The following AP3B2 variants were observed in gnomAD, a reference collection of about 807,000 sequenced individuals.
AP3B2 encodes AP-3 complex subunit beta-2.
Under a neutral mutation model 126.9 loss-of-function variants are expected in AP3B2, and 50 were observed. The ratio of observed to expected loss-of-function variants is 0.39; its 90% CI spans 0.31 to 0.50. The LOEUF (loss-of-function observed/expected upper bound fraction) is 0.50, where lower values mean the gene tolerates loss of function less well. Among genes scored for constraint, AP3B2 ranks in the 20% least tolerant of loss-of-function variants. The probability of loss-of-function intolerance (pLI) is 0.79; values close to 1 mark genes in which losing one functional copy is unlikely to be tolerated. For missense variants in AP3B2, 1,177 were observed against 1,426.4 expected, an observed-to-expected ratio of 0.83 and a Z score of 2.82; for synonymous variants, 541 against 565.0, an observed-to-expected ratio of 0.96 and a Z score of 0.60.
At chr15:82,688,177 T>C in intron 4 of AP3B2, 1 of 491,684 alleles carries the variant, frequency 2.0e-6, no homozygotes, top group East Asian at 3.2e-5. Context: ...AAAAATCCAA[T>C]ATGGAGAGAA....
chr15:82,679,429 A>G (rs921629852), intron 10 of AP3B2, among the ~76,000 whole-genome samples: 2 of 152,200 alleles, frequency 1.3e-5, no homozygotes, highest in East Asian at 1.9e-4. Flanking sequence ...GCCAGAGTCT[A>G]TATTTTTATA....
At position 82,665,675 on chromosome 15, in the gene AP3B2, C is replaced by T. The variant is rs2048046400; in HGVS notation, c.1853-100G>A. The stretch of plus-strand genomic sequence containing the variant: ...TGGGTGGTGATTCTGGTTGGGACTT[C>T]CCAGGTGGGTAGGGGAAGGAGATGG... On this transcript the variant is annotated intron_variant, in intron 15 of 26. Coordinates refer to ENST00000535359, the MANE Select transcript of AP3B2 (RefSeq NM_001278512.2). The surrounding 1 kb of genome is among the most constrained non-coding windows in gnomAD (Gnocchi z 4.4). 1.1e-6 allele frequency: 1 copy of T among 878,602 alleles called. No homozygotes were observed. Among genetic ancestry groups the T allele is most frequent in the Non-Finnish European group, 1.8e-6 (1 of 540,926 alleles). The allele number at this position is 878,602 out of a possible 1,614,324, so 54.4% of individuals were successfully genotyped here. A position where few individuals can be genotyped will look rare whatever the true frequency, so the allele number is the denominator to read the frequency against.
chr15:82,695,365 C>T (rs1728829146), intron 1 of AP3B2, among the ~76,000 whole-genome samples: 1 of 152,130 alleles, frequency 6.6e-6, no homozygotes, highest in African/African-American at 2.4e-5. Context: ...TCCAAAAGTG[C>T]TGGGATTATA....
rs566699348 is a variant in AP3B2 at position 82,694,899 on chromosome 15, A to C, written c.114-5446T>G. ...CCCCATTTCTGAGACAGAGCTCCTA[A>C]AACTCTTGACAATAGGGATGCTAGG... On this transcript the variant is annotated intron_variant, in intron 1 of 26. Transcript: ENST00000535359. Among the ~76,000 whole-genome samples, 17 of 152,202 alleles carry C rather than the reference A, an allele frequency of 1.1e-4. No individual in the cohort carries two copies. The East Asian group carries it at 3.1e-3, about 28-fold the overall frequency.
intron 1 of AP3B2, among the ~76,000 whole-genome samples, chr15:82,707,503 C>CAT (rs1185924134): frequency 6.6e-6 from 1 of 152,204 alleles, no homozygotes; most frequent in Admixed American, 6.5e-5. Context: ...CTCAACTACT[C>CAT]ATACATGCCC....
At chr15:82,675,783 C>G (rs2048232433) in intron 14 of AP3B2, among the ~76,000 whole-genome samples, 1 of 152,176 alleles carries the variant, frequency 6.6e-6, no homozygotes, top group East Asian at 1.9e-4. Context: ...CAATCCCTGT[C>G]CTGCTTAACT....
chr15:82,691,341 G>C, intron 1 of AP3B2, among the ~76,000 whole-genome samples: 1 of 152,122 alleles, frequency 6.6e-6, no homozygotes, highest in South Asian at 2.1e-4. Context: ...GTTTTGATTT[G>C]CATTTCTCTG....
At chr15:82,674,020 A>G (rs4779046) in intron 14 of AP3B2, among the ~76,000 whole-genome samples, 120,469 of 152,112 alleles carry the variant, frequency 0.79, 48,193 homozygotes, top group African/African-American at 0.91. Flanking sequence ...ATCCCCCGCC[A>G]CCTGCATGTT....
chr15:82,667,882 TAAG>T (rs2048086166), intron 14 of AP3B2, among the ~76,000 whole-genome samples: 1 of 152,098 alleles, frequency 6.6e-6, no homozygotes, highest in Admixed American at 6.5e-5. Flanking sequence ...CCTGCTGACA[TAAG>T]GAGCCTGCCC....
chr15:82,698,926 C>T (rs531816707), intron 1 of AP3B2, among the ~76,000 whole-genome samples: 1 of 152,252 alleles, frequency 6.6e-6, no homozygotes, highest in Admixed American at 6.5e-5. Flanking sequence ...GTCGAATATG[C>T]ACTGACACAG....
chr15:82,665,665 G>T lies in AP3B2; in HGVS notation c.1853-90C>A. Reference sequence around the variant, plus strand: ...CAGGTGGGGCTGGGTGGTGATTCTGGTTGGGACTTCCCAGGTGGGTAGGGG... The same window carrying T: ...CAGGTGGGGCTGGGTGGTGATTCTGTTTGGGACTTCCCAGGTGGGTAGGGG... On this transcript the variant is annotated intron_variant, in intron 15 of 26. Coordinates refer to ENST00000535359, the MANE Select transcript of AP3B2 (RefSeq NM_001278512.2). The surrounding 1 kb of genome is among the most constrained non-coding windows in gnomAD (Gnocchi z 4.4). 1 of 1,057,196 alleles carries T rather than the reference G, an allele frequency of 9.5e-7. No homozygotes were observed. Among genetic ancestry groups the T allele is most frequent in the Middle Eastern group, 2.1e-4 (1 of 4,812 alleles). The allele number at this position is 1,057,196 out of a possible 1,614,324, so 65.5% of individuals were successfully genotyped here. A position where few individuals can be genotyped will look rare whatever the true frequency, so the allele number is the denominator to read the frequency against.
Position 82,680,325 on chromosome 15 carries a change from G to GGGTCCTCT in AP3B2, c.1056-97_1056-96insAGAGGACC. The GGGTCCTCT allele has an allele frequency of 6.4e-7, 1 of 1,566,196 alleles. No homozygotes were observed. The highest frequency in any genetic ancestry group is 8.7e-7 in the Non-Finnish European group (1 of 1,151,792). On this transcript the variant is annotated intron_variant, in intron 8 of 26. Coordinates refer to ENST00000535359, the MANE Select transcript of AP3B2 (RefSeq NM_001278512.2). The surrounding 1 kb of genome is among the most constrained non-coding windows in gnomAD (Gnocchi z 6.1). ...GGTGGGGCAAGTCGTTGCGGGGAGA[G>GGGTCCTCT]GACCAGTGCGGAGGGCAGGACTACG...
chr15:82,663,592 G>A lies in AP3B2; in HGVS notation c.2465C>T (p.Thr822Ile). Reference sequence around the variant, plus strand: ...TAGATCAAGCAGGGAGATCTCCTTGGTTGCAGGAGCACTTTTGCTGCTGGG... The same window carrying A: ...TAGATCAAGCAGGGAGATCTCCTTGATTGCAGGAGCACTTTTGCTGCTGGG... The part of the protein sequence containing the change: ...TPPSSKSAPA[T>I]KEISLLDLED... The change falls in exon 21 of 27, where the codon ACC (threonine) becomes ATC (isoleucine). Residue 822 changes from threonine to isoleucine, a missense_variant. By Grantham distance (89) the Thr-to-Ile change is moderately conservative. Coordinates refer to ENST00000535359, the MANE Select transcript of AP3B2 (RefSeq NM_001278512.2). The A allele has an allele frequency of 6.2e-7, 1 of 1,613,886 alleles. No homozygotes were observed. The highest frequency in any genetic ancestry group is 1.3e-5 in the African/African-American group (1 of 75,038).
intron 14 of AP3B2, among the ~76,000 whole-genome samples, chr15:82,668,722 G>A (rs2048098779): frequency 6.6e-6 from 1 of 151,968 alleles, no homozygotes. Flanking sequence ...GGCATCCTGT[G>A]TGCACCACCA....
At chr15:82,694,537 T>C (rs2048603084) in intron 1 of AP3B2, among the ~76,000 whole-genome samples, 1 of 151,590 alleles carries the variant, frequency 6.6e-6, no homozygotes, top group Non-Finnish European at 1.5e-5. Context: ...TAAAAAAAAT[T>C]AGCCAGGCAT....
chr15:82,706,012 G>A (rs1217960196), intron 1 of AP3B2, among the ~76,000 whole-genome samples: 1 of 152,134 alleles, frequency 6.6e-6, no homozygotes, highest in Non-Finnish European at 1.5e-5. Context: ...GCAGGGCTGT[G>A]CGGTTGGAAT....
intron 4 of AP3B2, among the ~76,000 whole-genome samples, chr15:82,682,721 CAAA>C (rs1004169245): frequency 8.7e-6 from 1 of 115,114 alleles, no homozygotes; most frequent in Non-Finnish European, 1.9e-5. Context: ...ATCCTATCTC[CAAA>C]AAAAAAAAAA....
chr15:82,708,543 A>T (rs117558086), intron 1 of AP3B2, among the ~76,000 whole-genome samples: 1,681 of 152,168 alleles, frequency 0.011, 21 homozygotes, highest in Non-Finnish European at 0.018. Flanking sequence ...AGGCCTGTGA[A>T]CTTCAAGACC....
chr15:82,662,846 T>C lies in AP3B2; in HGVS notation c.2681A>G (p.Tyr894Cys). 2 of 1,613,622 alleles carry C rather than the reference T, an allele frequency of 1.2e-6. No individual in the cohort carries two copies. The highest frequency in any genetic ancestry group is 1.7e-6 in the Non-Finnish European group (2 of 1,179,780). The change falls in exon 23 of 27, where the codon TAC (tyrosine) becomes TGC (cysteine). Residue 894 changes from tyrosine to cysteine, a missense_variant. Around this residue, in one of 5 missense-constraint regions of AP3B2, gnomAD observed 587 missense variants for 571.3 expected, o/e 1.03. Transcript: ENST00000535359. Reference sequence around the variant, plus strand: ...GGAGAAAGGTTGGCGGCTGAAGGTGTAGTCCACAGCCAGCCCCTCGCCAGC... The same window carrying C: ...GGAGAAAGGTTGGCGGCTGAAGGTGCAGTCCACAGCCAGCCCCTCGCCAGC... ...RVAGEGLAVD[Y>C]TFSRQPFSGD...
Sources: gnomAD v4.1 joint callset for allele counts (sites outside exome capture counted in the v4.1 genomes callset) on GRCh38, gnomAD v4.1.1 for gene constraint, gnomAD v4.1.1 regional missense constraint, Gnocchi (gnomAD v3.1) non-coding constraint, MANE v1.5 for transcripts, NCBI Gene and HGNC (gene_info 2026-07-23, HGNC 2026-07-21) for gene names.